ANKS1B: variants seen among roughly 807,000 people sequenced by gnomAD.
The protein encoded by ANKS1B is ankyrin repeat and sterile alpha motif domain containing 1B.
A neutral mutation model predicts 148.3 loss-of-function variants in ANKS1B; 36 were observed. That is an observed-to-expected ratio of 0.24 (90% CI 0.19 to 0.32). The LOEUF is 0.32. Ranked by LOEUF, ANKS1B falls within the 10% of genes least tolerant of loss-of-function variation. ANKS1B has a pLI of 1.00. For missense variants in ANKS1B, 1,157 were observed against 1,542.6 expected (o/e 0.75, Z 4.19); for synonymous variants, 542 against 560.8 (o/e 0.97, Z 0.47).
At chr12:99,534,310 A>G (rs17471850) in intron 9 of ANKS1B, among the ~76,000 whole-genome samples, 19,277 of 152,312 alleles carry the variant, frequency 0.13, 1,552 homozygotes, top group Non-Finnish European at 0.17. Context: ...AGTCCCACAT[A>G]GCAATGAATG....
At chr12:99,465,706 A>G (rs1428257092) in intron 10 of ANKS1B, among the ~76,000 whole-genome samples, 1 of 152,250 alleles carries the variant, frequency 6.6e-6, no homozygotes, top group Non-Finnish European at 1.5e-5. Flanking sequence ...AGGCCATTAT[A>G]TAATGGTAAA....
intron 14 of ANKS1B, among the ~76,000 whole-genome samples, chr12:99,193,964 G>C (rs1162132440): frequency 6.6e-6 from 1 of 151,586 alleles, no homozygotes; most frequent in Non-Finnish European, 1.5e-5. Context: ...CCCACACCTA[G>C]CTAATTTTTG....
At chr12:99,303,148 A>G (rs1239662986) in intron 12 of ANKS1B, among the ~76,000 whole-genome samples, 1 of 152,186 alleles carries the variant, frequency 6.6e-6, no homozygotes, top group African/African-American at 2.4e-5. Flanking sequence ...TTAGAAATGT[A>G]CACAGCAGTA....
At chr12:99,512,869 TG>T (rs1200562784) in intron 9 of ANKS1B, among the ~76,000 whole-genome samples, 1 of 151,322 alleles carries the variant, frequency 6.6e-6, no homozygotes, top group Non-Finnish European at 1.5e-5. Context: ...CATGGACACA[TG>T]GGGGGAAAAA....
chr12:99,981,070 G>T lies in ANKS1B; in HGVS notation c.134+3034C>A, dbSNP rs771788528. Among the ~76,000 whole-genome samples the T allele has an allele frequency of 2.6e-5, 4 of 151,996 alleles. No homozygotes were observed. The South Asian group carries it at 8.3e-4, about 31-fold the overall frequency. ...GGGAAATTTACTCCCAGTCCAATAG[G>T]AAGCAAATCTTTAGTCATTAAGGCC... On this transcript the variant is annotated intron_variant, in intron 1 of 26. Coordinates refer to ENST00000683438, the MANE Select transcript of ANKS1B (RefSeq NM_001352186.2).
In ANKS1B at chr12:99,125,939, G is replaced by A. The variant is rs149714703; in HGVS notation, c.2526+28350C>T. 8.1e-3 allele frequency among the ~76,000 whole-genome samples: 1,228 copies of A among 151,480 alleles called. 21 individuals carry two copies. The highest frequency in any genetic ancestry group is 0.028 in the African/African-American group (1,159 of 41,318). On this transcript the variant is annotated intron_variant, in intron 15 of 26. Transcript: ENST00000683438. ...CTGATCTCTATAGGATGTCACAAAC[G>A]CTCAAAAAATAAAAGATAGGAAAGA...
chr12:99,077,633 A>G (rs1192055381), intron 16 of ANKS1B, among the ~76,000 whole-genome samples: 1 of 152,228 alleles, frequency 6.6e-6, no homozygotes, highest in East Asian at 1.9e-4. Flanking sequence ...CATCTGCGTC[A>G]ACCATCAAGC....
intron 1 of ANKS1B, among the ~76,000 whole-genome samples, chr12:99,932,456 G>A (rs2094645386): frequency 6.6e-6 from 1 of 151,996 alleles, no homozygotes; most frequent in South Asian, 2.1e-4. Context: ...GTCTTTTGGA[G>A]GTAAGCCATT....
chr12:99,941,438 G>C (rs938109489), intron 1 of ANKS1B, among the ~76,000 whole-genome samples: 24 of 146,040 alleles, frequency 1.6e-4, no homozygotes, highest in African/African-American at 4.8e-4. Flanking sequence ...ACCTGAAGTA[G>C]AATAAAGGCA....
rs2094513379 is a variant in ANKS1B at position 99,405,608 on chromosome 12, G to C, written c.1576-5797C>G. 2.1e-5 allele frequency among the ~76,000 whole-genome samples: 3 copies of C among 145,076 alleles called. 1 individual carries two copies. The stretch of plus-strand genomic sequence containing the variant: ...GAGAAAATCTTCACTAAAAGGAAGA[G>C]AGGGAGGAAGGAGAGAAGGAGGAGA... On this transcript the variant is annotated intron_variant, in intron 11 of 26. Transcript: ENST00000683438.
At chr12:99,238,499 GCAGA>G (rs1308971085) in intron 14 of ANKS1B, among the ~76,000 whole-genome samples, 2 of 152,212 alleles carry the variant, frequency 1.3e-5, no homozygotes, top group East Asian at 1.9e-4. Context: ...ACAAAAGGCA[GCAGA>G]CAGTTTCTGC....
intron 1 of ANKS1B, among the ~76,000 whole-genome samples, chr12:99,951,183 T>G (rs910143798): frequency 1.3e-4 from 20 of 152,192 alleles, no homozygotes; most frequent in African/African-American, 4.8e-4. Context: ...TCACAAAGCT[T>G]TTAGGACCTT....
At chr12:99,729,171 A>C (rs1261878904) in intron 8 of ANKS1B, among the ~76,000 whole-genome samples, 1 of 152,218 alleles carries the variant, frequency 6.6e-6, no homozygotes, top group South Asian at 2.1e-4. Flanking sequence ...ACATTTTATA[A>C]GAAGTTTTTA....
At chr12:99,926,854 T>C (rs191584868) in intron 1 of ANKS1B, among the ~76,000 whole-genome samples, 5 of 152,316 alleles carry the variant, frequency 3.3e-5, no homozygotes, top group Admixed American at 3.3e-4. Flanking sequence ...GTTTACTATC[T>C]TGTCTTCTCA....
chr12:99,524,737 A>G (rs2096909791), intron 9 of ANKS1B, among the ~76,000 whole-genome samples: 1 of 152,242 alleles, frequency 6.6e-6, no homozygotes, highest in Admixed American at 6.5e-5. Context: ...GGCAGCAGGC[A>G]AGAGAGAACG....
chr12:99,572,781 C>G (rs188245380), intron 9 of ANKS1B, among the ~76,000 whole-genome samples: 1 of 151,916 alleles, frequency 6.6e-6, no homozygotes, highest in East Asian at 1.9e-4. Flanking sequence ...TATAATAATT[C>G]CCATATCTGT....
intron 17 of ANKS1B, among the ~76,000 whole-genome samples, chr12:99,052,169 G>T (rs1487302295): frequency 6.6e-6 from 1 of 152,112 alleles, no homozygotes; most frequent in African/African-American, 2.4e-5. Flanking sequence ...CTTCATTTAT[G>T]CTAGAAAATA....
intron 8 of ANKS1B, among the ~76,000 whole-genome samples, chr12:99,713,891 C>T (rs963920807): frequency 3.3e-5 from 5 of 152,162 alleles, no homozygotes; most frequent in African/African-American, 1.2e-4. Context: ...TTTGTTAGCG[C>T]ATAACCTCAC....
chr12:98,824,402 CTCTT>C (rs774335730), intron 19 of ANKS1B, among the ~76,000 whole-genome samples: 33 of 152,230 alleles, frequency 2.2e-4, no homozygotes, highest in Non-Finnish European at 4.1e-4. Context: ...CCCTTCAACT[CTCTT>C]TGTCATTAAT....
Sources: gnomAD v4.1 joint callset for allele counts (sites outside exome capture counted in the v4.1 genomes callset) on GRCh38, gnomAD v4.1.1 for gene constraint, MANE v1.5 for transcripts, NCBI Gene and HGNC (gene_info 2026-07-23, HGNC 2026-07-21) for gene names.